SPATS2L: variants seen among roughly 807,000 people sequenced by gnomAD.
SPATS2L encodes spermatogenesis associated serine rich 2 like.
Under a neutral mutation model 59.6 loss-of-function variants are expected in SPATS2L, and 30 were observed. The observed-to-expected ratio is 0.50, with a 90% CI of 0.38 to 0.68. SPATS2L has a LOEUF of 0.68. Among genes scored for constraint, SPATS2L ranks in the 30% least tolerant of loss-of-function variants. The pLI is 0.00. For synonymous variants in SPATS2L, 252 were observed against 263.5 expected, an observed-to-expected ratio of 0.96 and a Z score of 0.42; for missense variants, 615 against 700.0, an observed-to-expected ratio of 0.88 and a Z score of 1.37.
At chr2:200,404,529 G>A (rs2082629890) in intron 3 of SPATS2L, among the ~76,000 whole-genome samples, 1 of 152,160 alleles carries the variant, frequency 6.6e-6, no homozygotes, top group Non-Finnish European at 1.5e-5. Context: ...TTGCCATCTG[G>A]AAGGTATATT....
At chr2:200,358,593 T>TC (rs1474725806) in intron 2 of SPATS2L, among the ~76,000 whole-genome samples, 3 of 87,958 alleles carry the variant, frequency 3.4e-5, no homozygotes, top group African/African-American at 5.3e-5. Context: ...AGGTGATATT[T>TC]CCTTTTTTTT....
In SPATS2L at chr2:200,478,556, AC is replaced by A. The variant is rs932326792; in HGVS notation, c.*528del. 2 of 152,688 alleles carry A rather than the reference AC, an allele frequency of 1.3e-5. No individual in the cohort carries two copies. The highest frequency in any genetic ancestry group is 4.8e-5 in the African/African-American group (2 of 41,458). 9.5% of individuals were successfully genotyped at this position (152,688 alleles called of 1,614,324 possible). A position where few individuals can be genotyped will look rare whatever the true frequency, so the allele number is the denominator to read the frequency against. On this transcript the variant is annotated 3_prime_UTR_variant, in exon 13 of 13. Transcript: ENST00000409140. ...CACCTGGCTAGTTTCTTTTATTGAT[AC>A]CCACCTAGTTATTGAATGTACTGTT...
intron 1 of SPATS2L, among the ~76,000 whole-genome samples, chr2:200,315,724 A>G (rs373121263): frequency 1.3e-5 from 2 of 152,244 alleles, no homozygotes; most frequent in East Asian, 3.9e-4. Flanking sequence ...TAATCTGTGG[A>G]TGAGTTGGCC....
At chr2:200,461,382 T>G (rs187935390) in intron 9 of SPATS2L, 1 of 152,318 alleles carries the variant, frequency 6.6e-6, no homozygotes, top group East Asian at 1.9e-4. Flanking sequence ...TTCTAAACCT[T>G]TCCACTGTGG....
chr2:200,382,769 G>A (rs573736927), intron 2 of SPATS2L, among the ~76,000 whole-genome samples: 6 of 151,864 alleles, frequency 4.0e-5, no homozygotes, highest in Admixed American at 6.6e-5. Context: ...GGGTTGTGAC[G>A]GTAAAATGAA....
intron 2 of SPATS2L, among the ~76,000 whole-genome samples, chr2:200,374,912 TA>T (rs2081546122): frequency 6.6e-6 from 1 of 152,224 alleles, no homozygotes; most frequent in Non-Finnish European, 1.5e-5. Flanking sequence ...GCCACTGTAC[TA>T]AAAAAGTTTT....
intron 9 of SPATS2L, among the ~76,000 whole-genome samples, chr2:200,465,496 C>A (rs530437614): frequency 6.6e-6 from 1 of 152,318 alleles, no homozygotes; most frequent in East Asian, 1.9e-4. Flanking sequence ...CTGTTGTCTA[C>A]ATTGAGATGA....
intron 12 of SPATS2L, among the ~76,000 whole-genome samples, chr2:200,476,076 A>G (rs76718970): frequency 6.6e-6 from 1 of 152,192 alleles, no homozygotes; most frequent in African/African-American, 2.4e-5. Flanking sequence ...CATGGTAAGC[A>G]CTCAATGAGT....
intron 3 of SPATS2L, chr2:200,390,510 A>T (rs999862984): frequency 7.2e-5 from 11 of 152,472 alleles, no homozygotes; most frequent in African/African-American, 2.7e-4. Context: ...CATTTGATTG[A>T]GATAAAGATG....
chr2:200,366,329 T>C (rs1323155159), intron 2 of SPATS2L, among the ~76,000 whole-genome samples: 1 of 152,202 alleles, frequency 6.6e-6, no homozygotes, highest in Non-Finnish European at 1.5e-5. Context: ...GGTTTACTTA[T>C]CATAGAATAT....
chr2:200,396,482 AATT>A (rs2082358477), intron 3 of SPATS2L, among the ~76,000 whole-genome samples: 1 of 152,090 alleles, frequency 6.6e-6, no homozygotes, highest in African/African-American at 2.4e-5. Context: ...GCAGATTTTT[AATT>A]ATTTTTGAAT....
At chr2:200,333,584 G>A (rs983852242) in intron 2 of SPATS2L, among the ~76,000 whole-genome samples, 1 of 151,936 alleles carries the variant, frequency 6.6e-6, no homozygotes, top group African/African-American at 2.4e-5. Flanking sequence ...CATGTGCCAT[G>A]TTGGTGTGCT....
chr2:200,403,244 A>G (rs1271689895), intron 3 of SPATS2L, among the ~76,000 whole-genome samples: 1 of 152,188 alleles, frequency 6.6e-6, no homozygotes, highest in Non-Finnish European at 1.5e-5. Context: ...TTCTGGAGCA[A>G]TGTGCTTCTC....
At chr2:200,371,393 T>C (rs945130881) in intron 2 of SPATS2L, among the ~76,000 whole-genome samples, 2 of 152,218 alleles carry the variant, frequency 1.3e-5, no homozygotes, top group African/African-American at 4.8e-5. Context: ...AAGGCAGAGC[T>C]AGCACATTCA....
chr2:200,395,785 C>T (rs2082310674), intron 3 of SPATS2L, among the ~76,000 whole-genome samples: 1 of 151,584 alleles, frequency 6.6e-6, no homozygotes, highest in African/African-American at 2.4e-5. Context: ...CCAAGGCAGG[C>T]AGATCACCTG....
chr2:200,410,646 C>T (rs2082844571), intron 3 of SPATS2L, among the ~76,000 whole-genome samples: 1 of 152,004 alleles, frequency 6.6e-6, no homozygotes, highest in Non-Finnish European at 1.5e-5. Context: ...TTTTCCCCTT[C>T]CCCTCCCACC....
At chr2:200,401,110 G>T (rs2082513019) in intron 3 of SPATS2L, among the ~76,000 whole-genome samples, 1 of 152,166 alleles carries the variant, frequency 6.6e-6, no homozygotes, top group African/African-American at 2.4e-5. Context: ...GGGCTGCCAT[G>T]TAAACAGTCT....
chr2:200,439,360 A>C (rs755298529), intron 7 of SPATS2L, 32 bp downstream of exon 7: 2 of 1,577,612 alleles, frequency 1.3e-6, no homozygotes, highest in Admixed American at 3.4e-5. Flanking sequence ...AAATGATTCA[A>C]CATATTTTGC....
chr2:200,457,154 G>A (rs2106177261), intron 8 of SPATS2L, among the ~76,000 whole-genome samples: 1 of 152,064 alleles, frequency 6.6e-6, no homozygotes, highest in Non-Finnish European at 1.5e-5. Context: ...GTCTCGAACA[G>A]TCTTTGTTTC....
Sources: gnomAD v4.1 joint callset for allele counts (sites outside exome capture counted in the v4.1 genomes callset) on GRCh38, gnomAD v4.1.1 for gene constraint, MANE v1.5 for transcripts, NCBI Gene and HGNC (gene_info 2026-07-23, HGNC 2026-07-21) for gene names.